Variants in NTN1 observed in about 807,000 individuals in gnomAD.
NTN1 encodes the protein netrin 1, also known as netrin-1.
A neutral mutation model predicts 54.2 loss-of-function variants in NTN1; 11 were observed. The ratio of observed to expected loss-of-function variants is 0.20; its 90% CI spans 0.13 to 0.34. NTN1 has a LOEUF of 0.34. Ranked by LOEUF, NTN1 falls within the 10% of genes least tolerant of loss-of-function variation. The pLI is 1.00. For missense variants in NTN1, 740 were observed against 893.1 expected (o/e 0.83, Z 2.18); for synonymous variants, 371 against 382.0 (o/e 0.97, Z 0.33).
intron 2 of NTN1, among the ~76,000 whole-genome samples, chr17:9,056,037 AC>A (rs1221909760): frequency 6.6e-6 from 1 of 151,686 alleles, no homozygotes; most frequent in African/African-American, 2.4e-5. Context: ...AGCTGGGACT[AC>A]AGGTGCACAC....
chr17:9,074,835 G>C (rs1462464692), intron 2 of NTN1, among the ~76,000 whole-genome samples: 1 of 152,206 alleles, frequency 6.6e-6, no homozygotes. Flanking sequence ...GGAAATTCAG[G>C]AGTCCCCAAG....
chr17:9,204,908 C>T (rs1173439446), intron 5 of NTN1, among the ~76,000 whole-genome samples: 1 of 149,572 alleles, frequency 6.7e-6, no homozygotes, highest in African/African-American at 2.5e-5. Flanking sequence ...ACTTGCTTTC[C>T]ATCAGTGCTG....
chr17:9,139,139 TG>T (rs1305532620), intron 2 of NTN1, among the ~76,000 whole-genome samples: 2 of 151,966 alleles, frequency 1.3e-5, no homozygotes. Flanking sequence ...ATGGGGGTGA[TG>T]CCAGTCAGGG....
rs1339261322 is a variant in NTN1 at position 9,225,770 on chromosome 17, C to G, written c.1486+4528C>G. ...CCTCGGAGGCTGCATAATCCCCGCTCTCTGACTGACACCCGGCAGGGGGCC... is the reference window on the plus strand; with the variant it reads ...CCTCGGAGGCTGCATAATCCCCGCTGTCTGACTGACACCCGGCAGGGGGCC... On this transcript the variant is annotated intron_variant, in intron 6 of 6. Coordinates refer to ENST00000173229, the MANE Select transcript of NTN1 (RefSeq NM_004822.3). 2.0e-5 allele frequency among the ~76,000 whole-genome samples: 3 copies of G among 152,230 alleles called. No individual in the cohort carries two copies. The East Asian group carries it at 5.8e-4, about 29-fold the overall frequency.
intron 2 of NTN1, among the ~76,000 whole-genome samples, chr17:9,023,748 AC>A (rs540300535): frequency 6.6e-6 from 1 of 151,854 alleles, no homozygotes; most frequent in African/African-American, 2.4e-5. Context: ...ACCTGCACCC[AC>A]CCCCCTTTCC....
intron 2 of NTN1, among the ~76,000 whole-genome samples, chr17:9,099,266 G>A (rs1051518386): frequency 6.6e-5 from 10 of 152,210 alleles, no homozygotes; most frequent in African/African-American, 1.9e-4. Flanking sequence ...TTAGCTGGGT[G>A]TGGTGGTGTA....
chr17:9,022,954 C>T lies in NTN1; in HGVS notation c.581C>T (p.Thr194Ile). Residue 194 changes from threonine to isoleucine, a missense_variant, in exon 2 of 7, where the codon ACC becomes ATC. Transcript: ENST00000173229. ...AACCGGCCGCACCGCGCGCCCATCA[C>T]CAAGCAGAACGAGCAGGAGGCCGTG... ...MYNRPHRAPI[T>I]KQNEQEAVCT... The T allele has an allele frequency of 6.2e-7, 1 of 1,611,590 alleles. No homozygotes were observed. Among genetic ancestry groups the T allele is most frequent in the South Asian group, 1.1e-5 (1 of 90,936 alleles).
intron 2 of NTN1, among the ~76,000 whole-genome samples, chr17:9,083,367 G>A (rs2092078531): frequency 6.6e-6 from 1 of 152,220 alleles, no homozygotes; most frequent in Non-Finnish European, 1.5e-5. Context: ...CAGTGCTGGG[G>A]TTATGGGCGT....
In NTN1 at chr17:9,234,937, T is replaced by G. The variant is rs117084667; in HGVS notation, c.1487-4703T>G. ...TACCAGCAGTCCCTAATTTGTTGGGTTTTTTTTGTCTGTTTTTTGTTTTTT... is the reference window on the plus strand; with the variant it reads ...TACCAGCAGTCCCTAATTTGTTGGGGTTTTTTTGTCTGTTTTTTGTTTTTT... On this transcript the variant is annotated intron_variant, in intron 6 of 6. Transcript: ENST00000173229. Among the ~76,000 whole-genome samples the G allele has an allele frequency of 3.5e-3, 531 of 150,764 alleles. 17 individuals carry two copies. The East Asian group carries it at 0.083, about 24-fold the overall frequency.
At chr17:9,110,982 A>T in intron 2 of NTN1, among the ~76,000 whole-genome samples, 1 of 133,190 alleles carries the variant, frequency 7.5e-6, no homozygotes. Context: ...TTGCTCAGGC[A>T]GGAGTGCTGT....
chr17:9,071,400 T>TA (rs2092031521), intron 2 of NTN1, among the ~76,000 whole-genome samples: 8 of 152,198 alleles, frequency 5.3e-5, no homozygotes, highest in African/African-American at 1.2e-4. Context: ...TCGTTTCACA[T>TA]TCTCAGTAAT....
At chr17:9,156,793 G>T (rs1192730195) in intron 2 of NTN1, among the ~76,000 whole-genome samples, 1 of 152,206 alleles carries the variant, frequency 6.6e-6, no homozygotes, top group Non-Finnish European at 1.5e-5. Context: ...GCAAGGCTAT[G>T]CCTTGTCAGG....
chr17:9,100,280 A>G (rs1185876071), intron 2 of NTN1, among the ~76,000 whole-genome samples: 3 of 152,032 alleles, frequency 2.0e-5, no homozygotes, highest in Non-Finnish European at 4.4e-5. Flanking sequence ...TCTGCTCAGC[A>G]ATATGTCATG....
intron 2 of NTN1, among the ~76,000 whole-genome samples, chr17:9,075,041 G>T (rs751936836): frequency 6.6e-6 from 1 of 152,322 alleles, no homozygotes; most frequent in African/African-American, 2.4e-5. Flanking sequence ...GGCCTAGTTG[G>T]TTTGTTTACC....
chr17:9,016,254 C>G, the NTN1 span, among the ~76,000 whole-genome samples: 3 of 152,146 alleles, frequency 2.0e-5, no homozygotes, highest in African/African-American at 7.2e-5. Context: ...AACTCTGATG[C>G]TGGTTCCAAA....
At position 9,242,204 on chromosome 17, in the gene NTN1, ACTCCAGGAGAGACTGGCAGAGGTGC is replaced by A. The variant is rs1296187058; in HGVS notation, c.*2240_*2264del. The A allele has an allele frequency of 1.3e-5, 2 of 152,244 alleles. No individual in the cohort carries two copies. The highest frequency in any genetic ancestry group is 2.9e-5 in the Non-Finnish European group (2 of 68,132). 9.4% of individuals were successfully genotyped at this position (152,244 alleles called of 1,614,324 possible). A position where few individuals can be genotyped will look rare whatever the true frequency, so the allele number is the denominator to read the frequency against. ...TGGCTGCCTCAGGGTGGTTGGAGAG[ACTCCAGGAGAGACTGGCAGAGGTGC>A]CTCAGGGGCAGGGAGCAGACAGACC... On this transcript the variant is annotated 3_prime_UTR_variant, in exon 7 of 7. Coordinates refer to ENST00000173229, the MANE Select transcript of NTN1 (RefSeq NM_004822.3).
upstream of NTN1, among the ~76,000 whole-genome samples, chr17:9,020,422 G>A (rs2091842206): frequency 6.6e-6 from 1 of 152,226 alleles, no homozygotes; most frequent in Admixed American, 6.5e-5. Flanking sequence ...GGAGAATGAG[G>A]CAAGGAGGGG....
Position 9,085,164 on chromosome 17 carries a change from C to T in NTN1, c.1018+61773C>T, listed in dbSNP as rs116045316. Among the ~76,000 whole-genome samples the T allele has an allele frequency of 1.2e-3, 182 of 152,290 alleles. 2 individuals are homozygous for T. The highest frequency in any genetic ancestry group is 4.3e-3 in the African/African-American group (177 of 41,562). Reference sequence around the variant, plus strand: ...AGGTGGATACCTCTTTCCCTCACTTCGTGGCTGGGTGGTGGGGATGCGTGG... The same window carrying T: ...AGGTGGATACCTCTTTCCCTCACTTTGTGGCTGGGTGGTGGGGATGCGTGG... On this transcript the variant is annotated intron_variant, in intron 2 of 6. Transcript: ENST00000173229.
At chr17:9,034,229 C>T (rs2091896352) in intron 2 of NTN1, among the ~76,000 whole-genome samples, 1 of 151,964 alleles carries the variant, frequency 6.6e-6, no homozygotes. Flanking sequence ...CTGTGTTCTG[C>T]CTTGAAAGAG....
Sources: allele counts gnomAD v4.1 joint callset (sites outside exome capture counted in the v4.1 genomes callset), GRCh38; gene constraint gnomAD v4.1.1; transcripts MANE v1.5; gene names NCBI Gene and HGNC (gene_info 2026-07-23, HGNC 2026-07-21).